Variants in MTA3 observed in about 807,000 individuals in gnomAD.
MTA3 encodes metastasis-associated protein MTA3.
A neutral mutation model predicts 83.5 loss-of-function variants in MTA3; 34 were observed. The ratio of observed to expected loss-of-function variants is 0.41; its 90% CI spans 0.31 to 0.54. The LOEUF (loss-of-function observed/expected upper bound fraction) is 0.54. Ranked by LOEUF, MTA3 falls within the 20% of genes least tolerant of loss-of-function variation. MTA3 has a pLI of 0.33. For missense variants in MTA3, 761 were observed against 726.4 expected, an observed-to-expected ratio of 1.05 and a Z score of -0.55; for synonymous variants, 303 against 252.7, an observed-to-expected ratio of 1.20 and a Z score of -1.89.
At chr2:42,644,037 TTA>T in intron 5 of MTA3, 88 bp from the exon 6 acceptor site, 1 of 728,540 alleles carries the variant, frequency 1.4e-6, no homozygotes, top group Non-Finnish European at 2.2e-6. Flanking sequence ...TCTCTGGGGT[TTA>T]TATGTTCATT....
intron 3 of MTA3, among the ~76,000 whole-genome samples, chr2:42,587,523 A>G (rs796442776): frequency 1.5e-4 from 23 of 152,190 alleles, no homozygotes; most frequent in African/African-American, 5.1e-4. Flanking sequence ...TTCCTTTGCA[A>G]TATTTTTTTT....
chr2:42,711,750 G>T (rs1666626868), intron 14 of MTA3, among the ~76,000 whole-genome samples: 1 of 138,502 alleles, frequency 7.2e-6, no homozygotes, highest in South Asian at 2.5e-4. Context: ...AACCATGTCT[G>T]TGATCTACTG....
At chr2:42,529,778 G>A (rs1320910807) in intron 2 of MTA3, among the ~76,000 whole-genome samples, 9 of 152,210 alleles carry the variant, frequency 5.9e-5, no homozygotes, top group African/African-American at 2.2e-4. Flanking sequence ...GAATGGTGTA[G>A]GGCAGGTTCT....
chr2:42,605,842 T>A lies in MTA3; in HGVS notation c.191-3616T>A, dbSNP rs1470017573. ...CGGGGCGGCTGGCCGGGTGGAGGGC[T>A]GACCCCCCCACCTCCCTCCTGGACG... On this transcript the variant is annotated intron_variant, in intron 3 of 16. Coordinates refer to ENST00000405094, the MANE Select transcript of MTA3 (RefSeq NM_001330442.2). Among the ~76,000 whole-genome samples the A allele has an allele frequency of 3.9e-5, 5 of 127,022 alleles. 1 individual carries two copies. The highest frequency in any genetic ancestry group is 8.4e-5 in the Non-Finnish European group (5 of 59,236). The allele number at this position is 127,022 out of a possible 152,430, so 83.3% of individuals were successfully genotyped here.
At chr2:42,500,514 G>A (rs1476897475) in intron 2 of MTA3, among the ~76,000 whole-genome samples, 1 of 152,104 alleles carries the variant, frequency 6.6e-6, no homozygotes, top group East Asian at 1.9e-4. Context: ...TCCAGCCTGG[G>A]TGACAGAGGC....
intron 3 of MTA3, among the ~76,000 whole-genome samples, chr2:42,588,464 C>T (rs1680592582): frequency 6.6e-6 from 1 of 152,174 alleles, no homozygotes; most frequent in African/African-American, 2.4e-5. Context: ...ATATAGCAGT[C>T]ATTGACAATA....
intron 3 of MTA3, among the ~76,000 whole-genome samples, chr2:42,594,575 T>C (rs1219701387): frequency 6.8e-6 from 1 of 148,102 alleles, no homozygotes; most frequent in Non-Finnish European, 1.5e-5. Flanking sequence ...ATCTTACAGA[T>C]TAAAAATGGT....
chr2:42,649,466 A>C (rs1348164161), intron 6 of MTA3, among the ~76,000 whole-genome samples: 1 of 152,048 alleles, frequency 6.6e-6, no homozygotes, highest in East Asian at 1.9e-4. Context: ...TTAAAGAATT[A>C]AAATAGTATA....
chr2:42,686,457 C>T (rs1470542668), intron 9 of MTA3, among the ~76,000 whole-genome samples: 1 of 151,892 alleles, frequency 6.6e-6, no homozygotes, highest in Non-Finnish European at 1.5e-5. Context: ...GAGTCCGAGG[C>T]AGGAGGATCA....
intron 16 of MTA3, among the ~76,000 whole-genome samples, chr2:42,738,592 C>A (rs538997646): frequency 2.0e-4 from 30 of 152,238 alleles, no homozygotes; most frequent in Admixed American, 1.9e-3. Flanking sequence ...AATCTGAGCA[C>A]CTTGAAAAAC....
chr2:42,540,857 A>T (rs888604010), intron 2 of MTA3, among the ~76,000 whole-genome samples: 4 of 152,028 alleles, frequency 2.6e-5, no homozygotes, highest in Admixed American at 6.6e-5. Context: ...ATTAAAAAAA[A>T]AAAGTTTTTT....
chr2:42,681,535 T>TG (rs1316561066), intron 8 of MTA3, among the ~76,000 whole-genome samples: 2 of 152,146 alleles, frequency 1.3e-5, no homozygotes, highest in Non-Finnish European at 2.9e-5. Context: ...TTTTTTGAGA[T>TG]AGGCTGTCAC....
intron 13 of MTA3, among the ~76,000 whole-genome samples, chr2:42,708,498 A>G (rs921392594): frequency 6.6e-6 from 1 of 152,172 alleles, no homozygotes; most frequent in Admixed American, 6.5e-5. Flanking sequence ...TAAAATCCTC[A>G]TAGGCTGAAG....
chr2:42,626,914 T>C (rs1178033091), intron 4 of MTA3, among the ~76,000 whole-genome samples: 1 of 150,642 alleles, frequency 6.6e-6, no homozygotes, highest in Non-Finnish European at 1.5e-5. Flanking sequence ...CTAATTTTTG[T>C]ATTTGTAGTA....
intron 3 of MTA3, among the ~76,000 whole-genome samples, chr2:42,603,107 CTTTTT>C (rs11352685): frequency 9.4e-5 from 12 of 128,284 alleles, no homozygotes; most frequent in Admixed American, 1.6e-4. Context: ...AATAAATTTA[CTTTTT>C]TTTTTTTTTT....
intron 9 of MTA3, 100 bp from the exon 10 acceptor site, chr2:42,695,665 A>AAAAAAAAAAAAAAAAAGG: frequency 2.7e-6 from 1 of 374,046 alleles, no homozygotes; most frequent in African/African-American, 2.3e-5. Flanking sequence ...AAAAAAAGAA[A>AAAAAAAAAAAAAAAAAGG]GTGGTGGTTT....
chr2:42,650,342 T>G (rs1688593369), intron 6 of MTA3, among the ~76,000 whole-genome samples: 1 of 152,252 alleles, frequency 6.6e-6, no homozygotes, highest in South Asian at 2.1e-4. Context: ...TTAGCTAATA[T>G]TTACATAATT....
At chr2:42,547,193 C>T (rs1314948709) in intron 2 of MTA3, among the ~76,000 whole-genome samples, 1 of 152,182 alleles carries the variant, frequency 6.6e-6, no homozygotes, top group African/African-American at 2.4e-5. Context: ...ATTCGCCAAT[C>T]GGGCAGCCGG....
chr2:42,715,822 A>T (rs1666986628), intron 14 of MTA3, among the ~76,000 whole-genome samples: 1 of 152,204 alleles, frequency 6.6e-6, no homozygotes, highest in South Asian at 2.1e-4. Context: ...GACTGGAATA[A>T]AAGGCAAATC....
Sources: gnomAD v4.1 joint callset for allele counts (sites outside exome capture counted in the v4.1 genomes callset) on GRCh38, gnomAD v4.1.1 for gene constraint, MANE v1.5 for transcripts, NCBI Gene and HGNC (gene_info 2026-07-23, HGNC 2026-07-21) for gene names.